The following MARCHF1 variants were observed in gnomAD, a reference collection of about 807,000 sequenced individuals.
MARCHF1 encodes the protein membrane associated ring-CH-type finger 1.
A neutral mutation model predicts 54.2 loss-of-function variants in MARCHF1; 40 were observed. That is an observed-to-expected ratio of 0.74 (90% CI 0.57 to 0.96). The LOEUF (loss-of-function observed/expected upper bound fraction) is 0.96, where lower values mean the gene tolerates loss of function less well. Among genes scored for constraint, MARCHF1 ranks in the 40% least tolerant of loss-of-function variants. The pLI is 0.00. For missense variants in MARCHF1, 586 were observed against 656.5 expected (o/e 0.89, Z 1.17); for synonymous variants, 236 against 236.3 (o/e 1.00, Z 0.01).
At chr4:163,968,419 C>A (rs907774418) in intron 3 of MARCHF1, among the ~76,000 whole-genome samples, 1 of 152,122 alleles carries the variant, frequency 6.6e-6, no homozygotes, top group Non-Finnish European at 1.5e-5. Context: ...TTTGGAAATG[C>A]ATTTCACTAC....
chr4:164,338,284 T>TA (rs1729816144), intron 1 of MARCHF1, among the ~76,000 whole-genome samples: 1 of 151,824 alleles, frequency 6.6e-6, no homozygotes, highest in African/African-American at 2.4e-5. Flanking sequence ...TACACTAAGA[T>TA]AAAGAGGAAA....
chr4:164,351,764 T>C (rs1226936611), intron 1 of MARCHF1, among the ~76,000 whole-genome samples: 1 of 152,142 alleles, frequency 6.6e-6, no homozygotes, highest in Non-Finnish European at 1.5e-5. Context: ...GGATGGAGAA[T>C]GACTTTGATG....
intron 4 of MARCHF1, among the ~76,000 whole-genome samples, chr4:163,725,123 G>A (rs925968568): frequency 1.3e-5 from 2 of 152,118 alleles, no homozygotes; most frequent in African/African-American, 2.4e-5. Context: ...GGCTGGAGCT[G>A]TTCGTATTCA....
chr4:163,895,491 A>T (rs537711737), intron 3 of MARCHF1, among the ~76,000 whole-genome samples: 1 of 152,116 alleles, frequency 6.6e-6, no homozygotes, highest in South Asian at 2.1e-4. Context: ...TGCCACCTAA[A>T]CCAGAAGTAA....
chr4:163,819,758 T>C (rs1748640463), intron 4 of MARCHF1, among the ~76,000 whole-genome samples: 2 of 152,070 alleles, frequency 1.3e-5, no homozygotes. Context: ...ACAAACCAAC[T>C]TGCATATGCA....
intron 3 of MARCHF1, among the ~76,000 whole-genome samples, chr4:163,889,342 G>A (rs565361213): frequency 2.6e-5 from 4 of 152,060 alleles, no homozygotes; most frequent in Non-Finnish European, 4.4e-5. Flanking sequence ...CTTATTTAGG[G>A]TCACACAAGT....
In MARCHF1 at chr4:164,071,170, T is replaced by C. The variant is rs575057114; in HGVS notation, c.-248+40418A>G. Among the ~76,000 whole-genome samples the C allele has an allele frequency of 2.6e-5, 4 of 152,292 alleles. No individual in the cohort carries two copies. The South Asian group carries it at 8.3e-4, about 32-fold the overall frequency. On this transcript the variant is annotated intron_variant, in intron 2 of 9. Coordinates refer to ENST00000514618, the MANE Select transcript of MARCHF1 (RefSeq NM_001394959.1). The stretch of plus-strand genomic sequence containing the variant: ...AAAAATCTGTTTGACCTTTTTCAAA[T>C]GTAAAAACTAGTAAGCAAGCAGCAT...
At chr4:163,883,468 C>T (rs2111249350) in intron 3 of MARCHF1, among the ~76,000 whole-genome samples, 1 of 151,688 alleles carries the variant, frequency 6.6e-6, no homozygotes, top group South Asian at 2.1e-4. Context: ...GTAGGAGACC[C>T]ATCTCTTTAT....
intron 2 of MARCHF1, among the ~76,000 whole-genome samples, chr4:164,103,989 C>G (rs959207753): frequency 5.3e-5 from 8 of 150,988 alleles, no homozygotes; most frequent in African/African-American, 9.9e-5. Flanking sequence ...ACAAACACCT[C>G]TACGCAAATA....
At chr4:164,342,752 T>C (rs1461456793) in intron 1 of MARCHF1, among the ~76,000 whole-genome samples, 2 of 151,982 alleles carry the variant, frequency 1.3e-5, no homozygotes, top group African/African-American at 4.8e-5. Context: ...AAATACGGTA[T>C]GTGTATATAC....
At chr4:164,189,446 A>G (rs1731065372) in intron 1 of MARCHF1, 4 of 700,378 alleles carry the variant, frequency 5.7e-6, no homozygotes, top group Non-Finnish European at 1.0e-5. Context: ...TCTGATATTG[A>G]TGATGTTGTT....
At chr4:163,675,310 C>T (rs1232437178) in intron 5 of MARCHF1, among the ~76,000 whole-genome samples, 5 of 152,120 alleles carry the variant, frequency 3.3e-5, no homozygotes, top group Admixed American at 1.3e-4. Context: ...TAGGCATTTA[C>T]GATTTCAGAA....
intron 2 of MARCHF1, among the ~76,000 whole-genome samples, chr4:164,097,816 C>G (rs541866502): frequency 2.6e-5 from 4 of 152,270 alleles, no homozygotes; most frequent in African/African-American, 9.6e-5. Flanking sequence ...TTTGAGGGAA[C>G]AAGTGAAGCA....
chr4:163,548,196 TAATA>T (rs1015432507), intron 8 of MARCHF1, among the ~76,000 whole-genome samples: 29 of 152,240 alleles, frequency 1.9e-4, no homozygotes, highest in African/African-American at 6.8e-4. Context: ...TTTTGCAATT[TAATA>T]AATATTCCTT....
chr4:164,150,360 G>T (rs1453775238), intron 1 of MARCHF1, among the ~76,000 whole-genome samples: 1 of 152,122 alleles, frequency 6.6e-6, no homozygotes, highest in Non-Finnish European at 1.5e-5. Context: ...TAACCACAGG[G>T]ATTGTACCAA....
chr4:164,352,226 G>T (rs1381618716), intron 1 of MARCHF1, among the ~76,000 whole-genome samples: 2 of 116,532 alleles, frequency 1.7e-5, no homozygotes, highest in Non-Finnish European at 3.9e-5. Context: ...ATCTAGCAAG[G>T]CAGGCCAATG....
rs60169461 is a variant in MARCHF1 at position 164,220,674 on chromosome 4, T to C, written c.-322-109012A>G. Among the ~76,000 whole-genome samples the C allele has an allele frequency of 6.3e-3, 661 of 104,664 alleles. 6 individuals carry two copies. Among genetic ancestry groups the C allele is most frequent in the African/African-American group, 0.023 (579 of 24,684 alleles). 68.7% of individuals were successfully genotyped at this position (104,664 alleles called of 152,430 possible). A position where few individuals can be genotyped will look rare whatever the true frequency, so the allele number is the denominator to read the frequency against. ...ATATATGTAATATATATGCTATATG[T>C]ATATATGTAATATATATGCTATATA... On this transcript the variant is annotated intron_variant, in intron 1 of 9. Transcript: ENST00000514618.
chr4:163,713,221 C>T (rs767484387), intron 4 of MARCHF1, among the ~76,000 whole-genome samples: 21 of 152,074 alleles, frequency 1.4e-4, no homozygotes, highest in East Asian at 7.7e-4. Flanking sequence ...GGCCACTTTC[C>T]GGCCTATAGA....
intron 3 of MARCHF1, among the ~76,000 whole-genome samples, chr4:163,922,924 C>T (rs529284648): frequency 6.6e-6 from 1 of 151,936 alleles, no homozygotes; most frequent in African/African-American, 2.4e-5. Context: ...AAGTAAAATT[C>T]AGCTCAATCA....
Sources: allele counts gnomAD v4.1 joint callset (sites outside exome capture counted in the v4.1 genomes callset), GRCh38; gene constraint gnomAD v4.1.1; transcripts MANE v1.5; gene names NCBI Gene and HGNC (gene_info 2026-07-23, HGNC 2026-07-21).